The following CSMD2 variants were observed in gnomAD, a reference collection of about 807,000 sequenced individuals.
CSMD2 encodes the protein CUB and Sushi multiple domains 2.
CSMD2 carries 130 observed loss-of-function variants against 398.5 expected under a neutral mutation model. The observed-to-expected ratio is 0.33, with a 90% CI of 0.28 to 0.38. CSMD2 has a LOEUF of 0.38. Among genes scored for constraint, CSMD2 ranks in the 10% least tolerant of loss-of-function variants. The pLI, the probability that CSMD2 is intolerant of heterozygous loss-of-function variation, is 1.00. For missense variants in CSMD2, 3,829 were observed against 4,764.9 expected (o/e 0.80, Z 5.78); for synonymous variants, 1,828 against 1,908.5 (o/e 0.96, Z 1.10).
chr1:34,094,559 G>A (rs1414618307), intron 1 of CSMD2, among the ~76,000 whole-genome samples: 1 of 152,104 alleles, frequency 6.6e-6, no homozygotes, highest in African/African-American at 2.4e-5. Flanking sequence ...AAAGGATGGA[G>A]GAAGATCTAC....
At chr1:33,676,267 G>C (rs1024528342) in intron 25 of CSMD2, among the ~76,000 whole-genome samples, 2 of 152,134 alleles carry the variant, frequency 1.3e-5, no homozygotes, top group Non-Finnish European at 2.9e-5. Context: ...AAAGTCTCAG[G>C]ATACAAAATC....
In CSMD2 at chr1:33,635,159, G is replaced by A. The variant is rs1642721640; in HGVS notation, c.5086+55C>T. 4 of 1,089,262 alleles carry A rather than the reference G, an allele frequency of 3.7e-6. No homozygotes were observed. Among genetic ancestry groups the A allele is most frequent in the Non-Finnish European group, 5.6e-6 (4 of 717,828 alleles). The allele number at this position is 1,089,262 out of a possible 1,614,324, so 67.5% of individuals were successfully genotyped here. On this transcript the variant is annotated intron_variant, in intron 31 of 70. Transcript: ENST00000373381. This position sits in a 1 kb window ranked among gnomAD's most constrained non-coding sequence, Gnocchi z 5.0. ...AGGCGTCTGAGGAATTGCTCATTTT[G>A]GAATGAGGGTGAGGAGTCAGAAAAC...
At chr1:33,998,812 A>AGGG (rs1646807479) in intron 3 of CSMD2, among the ~76,000 whole-genome samples, 1 of 152,176 alleles carries the variant, frequency 6.6e-6, no homozygotes, top group Admixed American at 6.5e-5. Flanking sequence ...TTCCCTGAGC[A>AGGG]GGGCCCTGTA....
chr1:33,811,219 G>A (rs1449865187), intron 9 of CSMD2, among the ~76,000 whole-genome samples: 2 of 152,066 alleles, frequency 1.3e-5, no homozygotes, highest in South Asian at 2.1e-4. Context: ...TAGGTGGATC[G>A]CAGGCACCTA....
intron 1 of CSMD2, among the ~76,000 whole-genome samples, chr1:34,094,731 C>T (rs1026988762): frequency 9.9e-5 from 15 of 152,106 alleles, no homozygotes; most frequent in African/African-American, 3.6e-4. Context: ...TATATGCACC[C>T]AATACAGGAG....
chr1:33,759,204 C>A (rs141677357), intron 13 of CSMD2, among the ~76,000 whole-genome samples: 2,872 of 151,678 alleles, frequency 0.019, 36 homozygotes, highest in South Asian at 0.03. Flanking sequence ...ACATGGTGAA[C>A]TGTAAGTGGA....
At chr1:33,813,555 C>A (rs1015936569) in intron 9 of CSMD2, among the ~76,000 whole-genome samples, 1 of 152,180 alleles carries the variant, frequency 6.6e-6, no homozygotes, top group Non-Finnish European at 1.5e-5. Flanking sequence ...TCAGGAGAGA[C>A]TTCCCTGAGA....
intron 60 of CSMD2, among the ~76,000 whole-genome samples, chr1:33,539,733 GA>G (rs1279868318): frequency 6.6e-6 from 1 of 152,120 alleles, no homozygotes; most frequent in Admixed American, 6.5e-5. Context: ...TTCTCCAGAG[GA>G]AAAGCAAGGT....
chr1:34,036,121 G>C (rs755643894), intron 2 of CSMD2, among the ~76,000 whole-genome samples: 7 of 147,208 alleles, frequency 4.8e-5, no homozygotes, highest in Non-Finnish European at 9.0e-5. Context: ...GTTTCTTTAA[G>C]AAAAAAAAAA....
chr1:33,517,540 G>C (rs1157314209), intron 70 of CSMD2, among the ~76,000 whole-genome samples: 2 of 152,146 alleles, frequency 1.3e-5, no homozygotes, highest in Non-Finnish European at 2.9e-5. Flanking sequence ...TCATCAGAGG[G>C]GATTTTTCTT....
At chr1:33,626,140 C>CA (rs1642115067) in intron 33 of CSMD2, among the ~76,000 whole-genome samples, 2 of 152,312 alleles carry the variant, frequency 1.3e-5, no homozygotes, top group East Asian at 3.9e-4. Flanking sequence ...GCCTGGCAGA[C>CA]AAAACCAAGC....
In CSMD2 at chr1:33,577,230, G is replaced by A; in HGVS notation, c.7576+66C>T. On this transcript the variant is annotated intron_variant, in intron 49 of 70. Transcript: ENST00000373381. The stretch of plus-strand genomic sequence containing the variant: ...CCCACATTTGGAAGTGACTAGTCCT[G>A]GGACAAACCCAAGATATGAGTTGGA... 2.7e-6 allele frequency: 4 copies of A among 1,468,086 alleles called. No individual in the cohort carries two copies. The Admixed American group carries it at 8.1e-5, about 30-fold the overall frequency. The allele number at this position is 1,468,086 out of a possible 1,614,324, so 90.9% of individuals were successfully genotyped here. A position where few individuals can be genotyped will look rare whatever the true frequency, so the allele number is the denominator to read the frequency against.
intron 66 of CSMD2, 66 bp downstream of exon 66, chr1:33,524,816 C>T (rs749313998): frequency 3.3e-6 from 5 of 1,533,996 alleles, no homozygotes; most frequent in African/African-American, 2.7e-5. Flanking sequence ...TGCCATTAGG[C>T]TCATCCTTGC....
chr1:33,524,937 G>C lies in CSMD2; in HGVS notation c.10341C>G (p.Asn3447Lys). The change falls in exon 66 of 71, where the codon AAC (asparagine) becomes AAG (lysine). Residue 3447 changes from asparagine (N) to lysine (K), a missense_variant. Transcript: ENST00000373381. ...MLRVTGFQVA[N>K]SKVNATMIDH... Reference sequence around the variant, plus strand: ...CGATCATGGTGGCATTGACCTTGCTGTTGGCAACTTGGAAGCCAGTCACTC... The same window carrying C: ...CGATCATGGTGGCATTGACCTTGCTCTTGGCAACTTGGAAGCCAGTCACTC... 6.2e-7 allele frequency: 1 copy of C among 1,614,222 alleles called. No individual in the cohort carries two copies. The highest frequency in any genetic ancestry group is 8.5e-7 in the Non-Finnish European group (1 of 1,180,030).
chr1:33,702,014 A>G (rs1317721977), intron 22 of CSMD2, among the ~76,000 whole-genome samples: 2 of 152,216 alleles, frequency 1.3e-5, no homozygotes, highest in Non-Finnish European at 2.9e-5. Context: ...AGATCAAGCC[A>G]CTGGATCCAA....
chr1:33,965,180 A>T (rs1026761516), intron 3 of CSMD2, among the ~76,000 whole-genome samples: 32 of 152,088 alleles, frequency 2.1e-4, no homozygotes, highest in African/African-American at 7.2e-4. Context: ...CTCTCCACTC[A>T]TCCTCTTCCC....
chr1:33,840,369 C>G (rs139059721), intron 6 of CSMD2, among the ~76,000 whole-genome samples: 3 of 152,242 alleles, frequency 2.0e-5, no homozygotes, highest in African/African-American at 7.2e-5. Context: ...TTGTAGGTAC[C>G]CAGGACTTCA....
chr1:33,607,998 C>T (rs957240610), intron 41 of CSMD2, among the ~76,000 whole-genome samples: 4 of 152,198 alleles, frequency 2.6e-5, no homozygotes, highest in Non-Finnish European at 4.4e-5. Flanking sequence ...GGCTGCAAAC[C>T]TCAGTGGGAG....
intron 44 of CSMD2, chr1:33,592,629 C>A (rs937510696): frequency 3.0e-6 from 2 of 658,006 alleles, no homozygotes; most frequent in South Asian, 1.7e-5. Context: ...CTTTCTGCAA[C>A]CTTCCTAATT....
Sources: allele counts gnomAD v4.1 joint callset (sites outside exome capture counted in the v4.1 genomes callset), GRCh38; gene constraint gnomAD v4.1.1; non-coding constraint Gnocchi (gnomAD v3.1); transcripts MANE v1.5; gene names NCBI Gene and HGNC (gene_info 2026-07-23, HGNC 2026-07-21).